PPFIA1: variants seen among roughly 807,000 people sequenced by gnomAD.
The protein encoded by PPFIA1 is PPFI scaffold protein A1.
PPFIA1 carries 25 observed loss-of-function variants against 149.9 expected under a neutral mutation model. That is an observed-to-expected ratio of 0.17 (90% confidence interval 0.12 to 0.23). PPFIA1 has a LOEUF of 0.23. PPFIA1 is among the 10% of genes least tolerant of loss of function. The pLI is 1.00. For missense variants in PPFIA1, 1,362 were observed against 1,506.5 expected (o/e 0.90, Z 1.59); for synonymous variants, 549 against 552.8 (o/e 0.99, Z 0.10).
In PPFIA1 at chr11:70,282,833, C is replaced by CTT. The variant is rs59308854; in HGVS notation, c.264+10419_264+10420dup. Among the ~76,000 whole-genome samples the CTT allele has an allele frequency of 5.2e-3, 370 of 71,806 alleles. 1 individual carries two copies. The highest frequency in any genetic ancestry group is 0.01 in the African/African-American group (168 of 16,564). 47.1% of individuals were successfully genotyped at this position (71,806 alleles called of 152,430 possible). On this transcript the variant is annotated intron_variant, in intron 2 of 27. Transcript: ENST00000253925. Reference sequence around the variant, plus strand: ...TACAGGCGTGAGCCACCGTGCCTGGCTTTTTTTTTTTTTTTTTTTTTTTAA... The same window carrying CTT: ...TACAGGCGTGAGCCACCGTGCCTGGCTTTTTTTTTTTTTTTTTTTTTTTTTAA...
intron 2 of PPFIA1, among the ~76,000 whole-genome samples, chr11:70,273,723 T>A (rs1405764438): frequency 6.6e-6 from 1 of 152,240 alleles, no homozygotes; most frequent in East Asian, 1.9e-4. Context: ...AAAGAATCAT[T>A]AAGATTTTTC....
At chr11:70,328,446 A>T (rs1334989216) in intron 7 of PPFIA1, among the ~76,000 whole-genome samples, 1 of 152,184 alleles carries the variant, frequency 6.6e-6, no homozygotes, top group Non-Finnish European at 1.5e-5. Flanking sequence ...TCCATGGTGT[A>T]TACGTACCAC....
intron 21 of PPFIA1, among the ~76,000 whole-genome samples, chr11:70,368,952 CTTTT>C (rs35915106): frequency 1.4e-5 from 2 of 138,374 alleles, no homozygotes; most frequent in Non-Finnish European, 1.6e-5. Flanking sequence ...CACAGTCAGT[CTTTT>C]TTTTTTTTTT....
At chr11:70,359,098 TGCCCTTGCAAAATAAAAGAAG>T (rs2056506580) in intron 19 of PPFIA1, among the ~76,000 whole-genome samples, 2 of 152,250 alleles carry the variant, frequency 1.3e-5, no homozygotes, top group Non-Finnish European at 2.9e-5. Context: ...TTTTTATTTT[TGCCCTTGCAAAATAAAAGAAG>T]GCCCTTGCAC....
chr11:70,370,268 A>ATT (rs2135352696), intron 21 of PPFIA1, among the ~76,000 whole-genome samples: 1 of 151,090 alleles, frequency 6.6e-6, no homozygotes, highest in East Asian at 1.9e-4. Flanking sequence ...GAAGTACTAG[A>ATT]TTTTCATTTC....
At chr11:70,300,363 T>C (rs953477828) in intron 2 of PPFIA1, among the ~76,000 whole-genome samples, 7 of 152,102 alleles carry the variant, frequency 4.6e-5, no homozygotes, top group African/African-American at 1.7e-4. Flanking sequence ...AGCTTTTATT[T>C]TTTTAATTTT....
At chr11:70,313,079 C>T (rs972088778) in intron 2 of PPFIA1, among the ~76,000 whole-genome samples, 38 of 152,124 alleles carry the variant, frequency 2.5e-4, no homozygotes, top group African/African-American at 7.7e-4. Context: ...GAGGAACAGA[C>T]GGCATGTTGA....
chr11:70,291,042 C>T (rs1434964121), intron 2 of PPFIA1, among the ~76,000 whole-genome samples: 6 of 152,158 alleles, frequency 3.9e-5, no homozygotes, highest in Non-Finnish European at 5.9e-5. Context: ...TATGCCACCA[C>T]GCCTGGCTAA....
At chr11:70,285,105 C>G (rs2051021769) in intron 2 of PPFIA1, among the ~76,000 whole-genome samples, 1 of 152,100 alleles carries the variant, frequency 6.6e-6, no homozygotes, top group African/African-American at 2.4e-5. Context: ...CTCACAGGTT[C>G]AAGCGATTCT....
intron 2 of PPFIA1, among the ~76,000 whole-genome samples, chr11:70,314,324 G>T (rs1369079683): frequency 6.6e-6 from 1 of 152,124 alleles, no homozygotes; most frequent in Non-Finnish European, 1.5e-5. Context: ...GGTGAGTAAG[G>T]GGCCAGGAAA....
chr11:70,285,744 T>A (rs1439776690), intron 2 of PPFIA1, among the ~76,000 whole-genome samples: 1 of 152,094 alleles, frequency 6.6e-6, no homozygotes. Flanking sequence ...GTGTACTTTT[T>A]AATTATCATA....
At chr11:70,281,729 G>T (rs766475877) in intron 2 of PPFIA1, among the ~76,000 whole-genome samples, 3 of 152,212 alleles carry the variant, frequency 2.0e-5, no homozygotes, top group African/African-American at 7.2e-5. Context: ...CTGACAGAAA[G>T]AGTGGGGGCT....
intron 2 of PPFIA1, among the ~76,000 whole-genome samples, chr11:70,309,202 C>T (rs2053089229): frequency 6.6e-6 from 1 of 151,342 alleles, no homozygotes. Context: ...TGGAGTCTTG[C>T]TCTGTCACCC....
chr11:70,359,751 C>A (rs1448063571), intron 19 of PPFIA1, among the ~76,000 whole-genome samples: 2 of 152,230 alleles, frequency 1.3e-5, no homozygotes, highest in African/African-American at 4.8e-5. Flanking sequence ...ACATTATTCA[C>A]AAATTATATG....
intron 2 of PPFIA1, among the ~76,000 whole-genome samples, chr11:70,277,060 A>ATAATATATATATATATATATATATTTTT: frequency 4.2e-4 from 28 of 66,310 alleles, no homozygotes; most frequent in African/African-American, 3.3e-3. Flanking sequence ...ATATATATAT[A>ATAATATATATATATATATATATATTTTT]TTTTTTTTTT....
At chr11:70,315,893 G>A (rs960926813) in intron 2 of PPFIA1, among the ~76,000 whole-genome samples, 8 of 151,616 alleles carry the variant, frequency 5.3e-5, no homozygotes, top group African/African-American at 1.9e-4. Context: ...CCCACCCAGC[G>A]TTGTCCAGAC....
chr11:70,354,846 T>G (rs562257089), intron 17 of PPFIA1, among the ~76,000 whole-genome samples: 30 of 152,246 alleles, frequency 2.0e-4, no homozygotes, highest in Non-Finnish European at 3.4e-4. Context: ...TTGTAAACTG[T>G]GGAGAGTTCC....
At chr11:70,317,332 G>T (rs941900510) in intron 2 of PPFIA1, among the ~76,000 whole-genome samples, 1 of 151,988 alleles carries the variant, frequency 6.6e-6, no homozygotes, top group African/African-American at 2.4e-5. Flanking sequence ...GGAATGTCCC[G>T]TCTAATGTTT....
Position 70,362,122 on chromosome 11 carries a change from A to G in PPFIA1, c.2610A>G (p.Arg870=). The G allele has an allele frequency of 6.2e-7, 1 of 1,614,160 alleles. No individual in the cohort carries two copies. The highest frequency in any genetic ancestry group is 8.5e-7 in the Non-Finnish European group (1 of 1,180,026). ...ATGAATTGCTGGAGGAAGCCCGGAG[A>G]CAAGGTTTACCTTTTGCCCAATGGG... The part of the protein sequence containing the change: ...KKHELLEEAR[R]QGLPFAQWDG... Residue 870 remains arginine (R), a synonymous_variant, in exon 20 of 28, where the codon AGA becomes AGG. Transcript: ENST00000253925.
Sources: allele counts gnomAD v4.1 joint callset (sites outside exome capture counted in the v4.1 genomes callset), GRCh38; gene constraint gnomAD v4.1.1; transcripts MANE v1.5; gene names NCBI Gene and HGNC (gene_info 2026-07-23, HGNC 2026-07-21).